The following ROCK1 variants were observed in gnomAD, a reference collection of about 807,000 sequenced individuals.
The protein encoded by ROCK1 is Rho associated coiled-coil containing protein kinase 1, also known as rho-associated protein kinase 1.
Under a neutral mutation model 196.8 loss-of-function variants are expected in ROCK1, and 36 were observed. The observed-to-expected ratio is 0.18, with a 90% confidence interval of 0.14 to 0.24. The LOEUF is 0.24. Ranked by LOEUF, ROCK1 falls within the 10% of genes least tolerant of loss-of-function variation. The pLI is 1.00. For synonymous variants in ROCK1, 443 were observed against 515.9 expected (o/e 0.86, Z 1.91); for missense variants, 920 against 1,562.0 (o/e 0.59, Z 6.93).
At chr18:21,047,518 G>C (rs76418473) in intron 4 of ROCK1, among the ~76,000 whole-genome samples, 1,584 of 152,272 alleles carry the variant, frequency 0.01, 32 homozygotes, top group African/African-American at 0.036. Flanking sequence ...TGGTGACCGG[G>C]CACGGTGGCT....
chr18:20,980,915 C>CAAA (rs570087798), intron 21 of ROCK1, among the ~76,000 whole-genome samples: 3 of 55,756 alleles, frequency 5.4e-5, no homozygotes, highest in African/African-American at 2.0e-4. Context: ...GATTCCATCT[C>CAAA]AAAAAAAAAA....
chr18:21,075,041 AGG>A lies in ROCK1; in HGVS notation c.94-4430_94-4429del, dbSNP rs376223212. 1.2e-4 allele frequency among the ~76,000 whole-genome samples: 19 copies of A among 152,326 alleles called. No individual in the cohort carries two copies. In the Middle Eastern group the frequency reaches 0.017, roughly 136 times the overall value. On this transcript the variant is annotated intron_variant, in intron 1 of 32. Coordinates refer to ENST00000399799, the MANE Select transcript of ROCK1 (RefSeq NM_005406.3). ...AGAAGGAGTCAAAGCTGTGATGATC[AGG>A]GAGAGAATGTTAAAGGTATAACATA...
chr18:20,980,481 T>C (rs1041796053), intron 21 of ROCK1, among the ~76,000 whole-genome samples: 5 of 151,618 alleles, frequency 3.3e-5, no homozygotes, highest in African/African-American at 1.2e-4. Flanking sequence ...GTGGGGAAAA[T>C]GTAGAGTGAA....
chr18:21,085,729 T>A (rs560474769), intron 1 of ROCK1, among the ~76,000 whole-genome samples: 11 of 152,316 alleles, frequency 7.2e-5, no homozygotes, highest in African/African-American at 2.2e-4. Context: ...AGCTAGAATA[T>A]TTAGTAGTCA....
At chr18:21,013,648 C>G (rs1460361790) in intron 13 of ROCK1, among the ~76,000 whole-genome samples, 2 of 152,202 alleles carry the variant, frequency 1.3e-5, no homozygotes, top group Admixed American at 6.5e-5. Context: ...TTACTGCCCA[C>G]AGGAGATGAA....
At chr18:21,007,220 T>A (rs902605986) in intron 14 of ROCK1, among the ~76,000 whole-genome samples, 2 of 152,104 alleles carry the variant, frequency 1.3e-5, no homozygotes, top group Non-Finnish European at 2.9e-5. Flanking sequence ...CCCTTCTGAG[T>A]CTCCCTTAAC....
chr18:21,071,257 C>G (rs1463668643), intron 1 of ROCK1, among the ~76,000 whole-genome samples: 1 of 147,072 alleles, frequency 6.8e-6, no homozygotes, highest in Non-Finnish European at 1.5e-5. Context: ...TGGCTCAATG[C>G]AACCTCCACC....
intron 29 of ROCK1, among the ~76,000 whole-genome samples, chr18:20,957,225 G>A (rs145338541): frequency 1.2e-4 from 18 of 152,236 alleles, no homozygotes; most frequent in Admixed American, 4.6e-4. Flanking sequence ...TCTTATTTAC[G>A]ATAGCCCCAA....
chr18:21,085,428 C>T (rs746801795), intron 1 of ROCK1, among the ~76,000 whole-genome samples: 2 of 148,688 alleles, frequency 1.3e-5, no homozygotes, highest in Non-Finnish European at 3.0e-5. Context: ...TAGAATGCTT[C>T]GTTAGAGGAG....
At chr18:21,055,449 A>T (rs910987215) in intron 2 of ROCK1, among the ~76,000 whole-genome samples, 1 of 152,204 alleles carries the variant, frequency 6.6e-6, no homozygotes, top group African/African-American at 2.4e-5. Context: ...CGAAACAATC[A>T]GAAGAAAACT....
chr18:21,025,527 C>T (rs1410684340), intron 10 of ROCK1, among the ~76,000 whole-genome samples: 4 of 152,074 alleles, frequency 2.6e-5, no homozygotes, highest in Non-Finnish European at 5.9e-5. Flanking sequence ...GGGTTTGAGA[C>T]CAGCCTGGCC....
At chr18:21,110,726 C>T (rs1000637422) in intron 1 of ROCK1, 92 bp downstream of exon 1, 62 of 990,000 alleles carry the variant, frequency 6.3e-5, no homozygotes, top group Admixed American at 4.3e-4. Context: ...CGATTATGCA[C>T]ACCTGAGACT....
chr18:21,002,133 C>T (rs2035730413), intron 16 of ROCK1, among the ~76,000 whole-genome samples: 1 of 152,082 alleles, frequency 6.6e-6, no homozygotes, highest in Admixed American at 6.6e-5. Context: ...CCATTAAAAT[C>T]ACCTACAAAC....
chr18:20,960,283 C>T, intron 27 of ROCK1, 77 bp from the exon 28 acceptor site: 1 of 851,122 alleles, frequency 1.2e-6, no homozygotes, highest in Non-Finnish European at 2.0e-6. Context: ...TGTCTGACAG[C>T]ATGCAGCAAC....
At chr18:21,071,656 T>C (rs2036386895) in intron 1 of ROCK1, among the ~76,000 whole-genome samples, 1 of 152,184 alleles carries the variant, frequency 6.6e-6, no homozygotes, top group African/African-American at 2.4e-5. Context: ...TCTCACTCTT[T>C]AGTAAATGTT....
chr18:21,039,065 A>G (rs2143498139), intron 9 of ROCK1, among the ~76,000 whole-genome samples: 1 of 152,322 alleles, frequency 6.6e-6, no homozygotes, highest in East Asian at 1.9e-4. Flanking sequence ...AATTAATAAT[A>G]GAACCTTCTT....
rs1280705852 is a variant in ROCK1 at position 20,949,812 on chromosome 18, T to C, written c.*1572A>G. On this transcript the variant is annotated 3_prime_UTR_variant, in exon 33 of 33. Coordinates refer to ENST00000399799, the MANE Select transcript of ROCK1 (RefSeq NM_005406.3). ...ACATTTATATACAATCAGAGACTAA[T>C]TTGAAGTATGTTTTCCATTCATTTC... The C allele has an allele frequency of 6.6e-6, 1 of 152,646 alleles. No homozygotes were observed. Among genetic ancestry groups the C allele is most frequent in the Non-Finnish European group, 1.5e-5 (1 of 68,042 alleles). 9.5% of individuals were successfully genotyped at this position (152,646 alleles called of 1,614,324 possible).
intron 32 of ROCK1, among the ~76,000 whole-genome samples, chr18:20,953,068 C>T (rs1425451201): frequency 1.3e-5 from 2 of 151,966 alleles, no homozygotes; most frequent in East Asian, 3.9e-4. Flanking sequence ...CACGTGTATA[C>T]CCATGTAACA....
intron 22 of ROCK1, among the ~76,000 whole-genome samples, chr18:20,975,596 AT>A (rs1246770463): frequency 6.6e-6 from 1 of 151,974 alleles, no homozygotes; most frequent in Non-Finnish European, 1.5e-5. Flanking sequence ...ACTTTTTAAA[AT>A]TTAATTTAAT....
Sources: gnomAD v4.1 joint callset for allele counts (sites outside exome capture counted in the v4.1 genomes callset) on GRCh38, gnomAD v4.1.1 for gene constraint, MANE v1.5 for transcripts, NCBI Gene and HGNC (gene_info 2026-07-23, HGNC 2026-07-21) for gene names.